The following SYT11 variants were observed in gnomAD, a reference collection of about 807,000 sequenced individuals.
SYT11 encodes synaptotagmin 11.
In SYT11, 12 loss-of-function variants were observed where a neutral mutation model predicts 30.4. The ratio of observed to expected loss-of-function variants is 0.39; its 90% confidence interval spans 0.25 to 0.64. The LOEUF (loss-of-function observed/expected upper bound fraction) is 0.64. Among genes scored for constraint, SYT11 ranks in the 30% least tolerant of loss-of-function variants. The probability of loss-of-function intolerance (pLI) is 0.45; values close to 1 mark genes in which losing one functional copy is unlikely to be tolerated. For missense variants in SYT11, 412 were observed against 552.0 expected (o/e 0.75, Z 2.54); for synonymous variants, 204 against 216.0 (o/e 0.94, Z 0.49).
chr1:155,872,696 G>C (rs1242408856), intron 2 of SYT11, among the ~76,000 whole-genome samples: 3 of 152,144 alleles, frequency 2.0e-5, no homozygotes, highest in South Asian at 2.1e-4. Flanking sequence ...TCTTTCAAAA[G>C]AAAGAGCCAT....
chr1:155,874,171 G>A (rs1672823770), intron 2 of SYT11, among the ~76,000 whole-genome samples: 1 of 152,128 alleles, frequency 6.6e-6, no homozygotes, highest in African/African-American at 2.4e-5. Context: ...CTACTCAGGA[G>A]GCTGAGACAC....
chr1:155,871,842 C>T (rs1472709648), intron 2 of SYT11, among the ~76,000 whole-genome samples: 1 of 152,160 alleles, frequency 6.6e-6, no homozygotes, highest in Non-Finnish European at 1.5e-5. Context: ...CCATGGCTGT[C>T]ATCTCCCTAG....
At chr1:155,862,649 C>T (rs545512458) in intron 1 of SYT11, among the ~76,000 whole-genome samples, 2 of 152,328 alleles carry the variant, frequency 1.3e-5, no homozygotes, top group East Asian at 1.9e-4. Context: ...GCTCCTCCAC[C>T]GCACTGCTGC....
chr1:155,881,533 C>CT lies in SYT11; in HGVS notation c.*25_*26insT, dbSNP rs1421251414. The CT allele has an allele frequency of 1.3e-6, 2 of 1,560,048 alleles. No homozygotes were observed. Among genetic ancestry groups the CT allele is most frequent in the Non-Finnish European group, 1.7e-6 (2 of 1,147,826 alleles). On this transcript the variant is annotated 3_prime_UTR_variant, in exon 4 of 4. Transcript: ENST00000368324. Reference sequence around the variant, plus strand: ...ATCCTGTTCTTCTCTCCTCTAATCCCCGGGGGCCAAGCTGGGGAGGGATGT... The same window carrying CT: ...ATCCTGTTCTTCTCTCCTCTAATCCCTCGGGGGCCAAGCTGGGGAGGGATGT...
In SYT11 at chr1:155,868,850, G is replaced by C. The variant is rs977970697; in HGVS notation, c.861+59G>C. The C allele has an allele frequency of 6.6e-7, 1 of 1,508,572 alleles. No individual in the cohort carries two copies. The highest frequency in any genetic ancestry group is 9.0e-7 in the Non-Finnish European group (1 of 1,112,358). The allele number at this position is 1,508,572 out of a possible 1,614,324, so 93.4% of individuals were successfully genotyped here. On this transcript the variant is annotated intron_variant, in intron 2 of 3. Transcript: ENST00000368324. The surrounding 1 kb of genome is among the most constrained non-coding windows in gnomAD (Gnocchi z 4.7). Reference sequence around the variant, plus strand: ...AGGTTGGGGGAGAAAATATCTCAGGGGATAAATGGAAGTGGGAGGGGAGTG... The same window carrying C: ...AGGTTGGGGGAGAAAATATCTCAGGCGATAAATGGAAGTGGGAGGGGAGTG...
chr1:155,880,893 A>G (rs1202318318), intron 3 of SYT11, among the ~76,000 whole-genome samples: 1 of 152,216 alleles, frequency 6.6e-6, no homozygotes, highest in African/African-American at 2.4e-5. Context: ...CTTCTCAAAA[A>G]GGCTGCAGGC....
Position 155,859,635 on chromosome 1 carries a change from C to A in SYT11, c.-127C>A. 1.2e-6 allele frequency: 1 copy of A among 868,162 alleles called. No homozygotes were observed. The highest frequency in any genetic ancestry group is 1.9e-6 in the Non-Finnish European group (1 of 516,168). 53.8% of individuals were successfully genotyped at this position (868,162 alleles called of 1,614,324 possible). A position where few individuals can be genotyped will look rare whatever the true frequency, so the allele number is the denominator to read the frequency against. On this transcript the variant is annotated 5_prime_UTR_variant, in exon 1 of 4. Coordinates refer to ENST00000368324, the MANE Select transcript of SYT11 (RefSeq NM_152280.5). The stretch of plus-strand genomic sequence containing the variant: ...CTAGGGGCCGGACCGTCGCAGGAGG[C>A]GTCCGCTGGATACCTTCCCCCTTCC...
intron 1 of SYT11, among the ~76,000 whole-genome samples, chr1:155,862,596 G>T (rs1672611168): frequency 6.6e-6 from 1 of 152,154 alleles, no homozygotes; most frequent in Non-Finnish European, 1.5e-5. Flanking sequence ...AACAATAAAA[G>T]TTGATGCATT....
In SYT11 at chr1:155,881,690, G is replaced by GTTT; in HGVS notation, c.*189_*191dup. ...CTGCAGATCAGTTCTTAGCAATGAT[G>GTTT]TTTTTTTTTCTGCTTTGCAAGGCGC... On this transcript the variant is annotated 3_prime_UTR_variant, in exon 4 of 4. Transcript: ENST00000368324. 2.0e-6 allele frequency: 1 copy of GTTT among 495,454 alleles called. No homozygotes were observed. Among genetic ancestry groups the GTTT allele is most frequent in the South Asian group, 4.3e-5 (1 of 23,082 alleles). 30.7% of individuals were successfully genotyped at this position (495,454 alleles called of 1,614,324 possible).
intron 2 of SYT11, among the ~76,000 whole-genome samples, chr1:155,877,024 T>C (rs898580422): frequency 6.8e-6 from 1 of 147,276 alleles, no homozygotes; most frequent in African/African-American, 2.5e-5. Context: ...TGGAGTGCAG[T>C]GACTACAATC....
In SYT11 at chr1:155,883,371, C is replaced by G. The variant is rs1310872602; in HGVS notation, c.*1863C>G. On this transcript the variant is annotated 3_prime_UTR_variant, in exon 4 of 4. Transcript: ENST00000368324. ...CTACATGACGAAACTCCATCTCTAT[C>G]AAAAATACAAAAAATTAACTAGGTG... The G allele has an allele frequency of 1.3e-5, 2 of 152,130 alleles. No homozygotes were observed. Among genetic ancestry groups the G allele is most frequent in the African/African-American group, 4.8e-5 (2 of 41,382 alleles). The allele number at this position is 152,130 out of a possible 1,614,324, so 9.4% of individuals were successfully genotyped here. A position where few individuals can be genotyped will look rare whatever the true frequency, so the allele number is the denominator to read the frequency against.
In SYT11 at chr1:155,880,496, A is replaced by G; in HGVS notation, c.862-4A>G. The G allele has an allele frequency of 6.2e-7, 1 of 1,613,306 alleles. No individual in the cohort carries two copies. ...GATTCTCACCTGCCATTTTTTCCTCACAGAAGTGCATCAGCAGAGGGGAGC... is the reference window on the plus strand; with the variant it reads ...GATTCTCACCTGCCATTTTTTCCTCGCAGAAGTGCATCAGCAGAGGGGAGC... On this transcript the variant is annotated splice_region_variant and splice_polypyrimidine_tract_variant and intron_variant, in intron 2 of 3. Transcript: ENST00000368324.
chr1:155,863,180 GT>G (rs1188198294), intron 1 of SYT11, among the ~76,000 whole-genome samples: 1 of 152,098 alleles, frequency 6.6e-6, no homozygotes, highest in Admixed American at 6.5e-5. Flanking sequence ...ATGTACCCGG[GT>G]ACAGTGGGTC....
Sources: gnomAD v4.1 joint callset for allele counts (sites outside exome capture counted in the v4.1 genomes callset) on GRCh38, gnomAD v4.1.1 for gene constraint, Gnocchi (gnomAD v3.1) non-coding constraint, MANE v1.5 for transcripts, NCBI Gene and HGNC (gene_info 2026-07-23, HGNC 2026-07-21) for gene names.